Variants in LHFPL3 observed in about 807,000 individuals in gnomAD.
LHFPL3 encodes LHFPL tetraspan subfamily member 3 protein.
LHFPL3 carries 5 observed loss-of-function variants against 19.3 expected under a neutral mutation model. That is an observed-to-expected ratio of 0.26 (90% CI 0.14 to 0.54). The LOEUF (loss-of-function observed/expected upper bound fraction) is 0.54, where lower values mean the gene tolerates loss of function less well. LHFPL3 is among the 20% of genes least tolerant of loss of function. The pLI, the probability that LHFPL3 is intolerant of heterozygous loss-of-function variation, is 0.94. For synonymous variants in LHFPL3, 133 were observed against 126.2 expected (o/e 1.05, Z -0.36); for missense variants, 249 against 307.4 (o/e 0.81, Z 1.42).
rs185046095 is a variant in LHFPL3, at chr7:104,484,597, G to C, written c.445+155373G>C. Among the ~76,000 whole-genome samples, 391 of 152,324 alleles carry C rather than the reference G, an allele frequency of 2.6e-3. 3 individuals are homozygous for C. The highest frequency in any genetic ancestry group is 9.0e-3 in the African/African-American group (374 of 41,562). On this transcript the variant is annotated intron_variant, in intron 1 of 2. Transcript: ENST00000424859. ...CTAAAGTACCTCACACAGAGCAGGA[G>C]GGTGTCTTGGTCCATTTTGTGCTGC...
chr7:104,853,266 C>T (rs1791444634), intron 2 of LHFPL3, among the ~76,000 whole-genome samples: 1 of 152,172 alleles, frequency 6.6e-6, no homozygotes, highest in Admixed American at 6.5e-5. Flanking sequence ...AGTCAGGGGA[C>T]AATGAGTTGG....
At chr7:104,824,555 TATAA>T (rs1790772636) in intron 2 of LHFPL3, among the ~76,000 whole-genome samples, 1 of 75,660 alleles carries the variant, frequency 1.3e-5, no homozygotes, top group Admixed American at 2.4e-4. Context: ...ATATATAATA[TATAA>T]TTATATATAT....
intron 1 of LHFPL3, among the ~76,000 whole-genome samples, chr7:104,397,738 A>G (rs967488947): frequency 7.2e-5 from 11 of 152,194 alleles, no homozygotes; most frequent in Admixed American, 2.6e-4. Flanking sequence ...AGGGGTGTGA[A>G]CAACCAGAAA....
At chr7:104,569,713 A>G (rs1326971160) in intron 1 of LHFPL3, among the ~76,000 whole-genome samples, 1 of 152,110 alleles carries the variant, frequency 6.6e-6, no homozygotes, top group African/African-American at 2.4e-5. Context: ...CTATTATGTC[A>G]TTTAGTTCTG....
At chr7:104,830,988 C>T (rs941849519) in intron 2 of LHFPL3, among the ~76,000 whole-genome samples, 5 of 151,946 alleles carry the variant, frequency 3.3e-5, no homozygotes, top group East Asian at 3.9e-4. Context: ...CCCTTTCACT[C>T]GCAAAAGGTA....
intron 2 of LHFPL3, among the ~76,000 whole-genome samples, chr7:104,795,605 A>G (rs1790108491): frequency 6.6e-6 from 1 of 152,210 alleles, no homozygotes; most frequent in South Asian, 2.1e-4. Flanking sequence ...ATATTTTTGT[A>G]GAACCTGCCA....
chr7:104,562,050 C>T (rs1562935283), intron 1 of LHFPL3, among the ~76,000 whole-genome samples: 1 of 151,980 alleles, frequency 6.6e-6, no homozygotes. Context: ...GCTGAGAGAT[C>T]CGCTGTTAGT....
chr7:104,890,792 C>T (rs1042391506), intron 2 of LHFPL3, among the ~76,000 whole-genome samples: 1 of 152,162 alleles, frequency 6.6e-6, no homozygotes, highest in African/African-American at 2.4e-5. Flanking sequence ...GAAATGGAGA[C>T]TGATGTGGCT....
rs373506480 is a variant in LHFPL3 at position 104,438,476 on chromosome 7, C to A, written c.445+109252C>A. 5.0e-4 allele frequency among the ~76,000 whole-genome samples: 76 copies of A among 152,194 alleles called. 1 individual carries two copies. The highest frequency in any genetic ancestry group is 1.8e-3 in the African/African-American group (74 of 41,548). On this transcript the variant is annotated intron_variant, in intron 1 of 2. Coordinates refer to ENST00000424859, the MANE Select transcript of LHFPL3 (RefSeq NM_199000.3). ...CCTTTAGAGACTTACAAAAATAATT[C>A]TTTATGAATTTTGTTATTGAGGTTT...
chr7:104,339,013 C>T (rs974074242), intron 1 of LHFPL3, among the ~76,000 whole-genome samples: 6 of 152,098 alleles, frequency 3.9e-5, no homozygotes, highest in Non-Finnish European at 2.9e-5. Context: ...TTTGGGAGGC[C>T]GAGGCGGGTG....
intron 1 of LHFPL3, among the ~76,000 whole-genome samples, chr7:104,579,807 C>G (rs1027315415): frequency 6.6e-6 from 1 of 152,178 alleles, no homozygotes; most frequent in African/African-American, 2.4e-5. Context: ...AAGAACTATG[C>G]TAGCATTTAA....
chr7:104,455,255 C>T (rs1462415720), intron 1 of LHFPL3, among the ~76,000 whole-genome samples: 3 of 152,104 alleles, frequency 2.0e-5, no homozygotes, highest in African/African-American at 4.8e-5. Context: ...TTAATTGAAT[C>T]GTGAAATGCT....
chr7:104,724,851 T>G (rs1793562149), intron 1 of LHFPL3, among the ~76,000 whole-genome samples: 2 of 152,214 alleles, frequency 1.3e-5, no homozygotes, highest in Admixed American at 6.5e-5. Flanking sequence ...CCCTGTAGCC[T>G]GAAGGAGACC....
chr7:104,629,587 C>A (rs1791604798), intron 1 of LHFPL3, among the ~76,000 whole-genome samples: 1 of 152,174 alleles, frequency 6.6e-6, no homozygotes. Flanking sequence ...GTTTCCAACC[C>A]TGCAGAGCTA....
At chr7:104,330,615 A>G (rs1314861919) in intron 1 of LHFPL3, among the ~76,000 whole-genome samples, 1 of 152,142 alleles carries the variant, frequency 6.6e-6, no homozygotes, top group Non-Finnish European at 1.5e-5. Context: ...TTTGCCATAT[A>G]TTGTAAAAGT....
At chr7:104,637,003 C>A (rs988460575) in intron 1 of LHFPL3, among the ~76,000 whole-genome samples, 3 of 152,194 alleles carry the variant, frequency 2.0e-5, no homozygotes, top group African/African-American at 7.2e-5. Flanking sequence ...TTCCCACCAG[C>A]AGTGTATAAA....
At chr7:104,569,903 C>T (rs34560470) in intron 1 of LHFPL3, among the ~76,000 whole-genome samples, 2,521 of 152,296 alleles carry the variant, frequency 0.017, 52 homozygotes, top group East Asian at 0.12. Flanking sequence ...GCCATACTAT[C>T]CTCTCTCCAC....
chr7:104,697,831 C>A (rs2116161301), intron 1 of LHFPL3, among the ~76,000 whole-genome samples: 1 of 152,296 alleles, frequency 6.6e-6, no homozygotes, highest in East Asian at 1.9e-4. Flanking sequence ...ACAGAGAGAA[C>A]ACTCAGGTAA....
intron 1 of LHFPL3, among the ~76,000 whole-genome samples, chr7:104,683,082 C>T (rs904935718): frequency 1.3e-5 from 2 of 152,178 alleles, no homozygotes; most frequent in Non-Finnish European, 2.9e-5. Flanking sequence ...CTCCACCTCC[C>T]GGGTTCAAGC....
Sources: gnomAD v4.1 joint callset for allele counts (sites outside exome capture counted in the v4.1 genomes callset) on GRCh38, gnomAD v4.1.1 for gene constraint, MANE v1.5 for transcripts, NCBI Gene and HGNC (gene_info 2026-07-23, HGNC 2026-07-21) for gene names.